The following P4HA3 variants were observed in gnomAD, a reference collection of about 807,000 sequenced individuals.
P4HA3 encodes prolyl 4-hydroxylase subunit alpha 3.
P4HA3 carries 60 observed loss-of-function variants against 66.7 expected under a neutral mutation model. That is an observed-to-expected ratio of 0.90 (90% CI 0.73 to 1.12). The LOEUF is 1.12. Among genes scored for constraint, P4HA3 ranks in the 50% most tolerant of loss-of-function variants. The pLI, the probability that P4HA3 is intolerant of heterozygous loss-of-function variation, is 0.00. For synonymous variants in P4HA3, 263 were observed against 274.6 expected, an observed-to-expected ratio of 0.96 and a Z score of 0.42; for missense variants, 683 against 685.8, an observed-to-expected ratio of 1.00 and a Z score of 0.05.
In P4HA3 at chr11:74,279,461, A is replaced by G. The variant is rs745970393; in HGVS notation, c.1111-9T>C. On this transcript the variant is annotated splice_polypyrimidine_tract_variant and intron_variant, in intron 7 of 12. Transcript: ENST00000331597. ...ACCACTGACCTCTGTAGCTGGTGGG[A>G]AGAATGTAAGACAAAGTCCAAGTGG... 6 of 1,613,660 alleles carry G rather than the reference A, an allele frequency of 3.7e-6. No individual in the cohort carries two copies. In the South Asian group the frequency reaches 6.6e-5, roughly 18 times the overall value.
intron 15 of P4HA3, chr11:74,251,830 C>T (rs370436704): frequency 2.4e-6 from 3 of 1,265,660 alleles, no homozygotes; most frequent in Non-Finnish European, 3.5e-6. Flanking sequence ...GTCACCATGC[C>T]TTTCTTCCTC....
At chr11:74,291,445 C>T (rs1861020162) in intron 4 of P4HA3, among the ~76,000 whole-genome samples, 2 of 152,170 alleles carry the variant, frequency 1.3e-5, no homozygotes, top group Admixed American at 6.5e-5. Flanking sequence ...ATTTCCTTCT[C>T]CTGCCTGATT....
chr11:74,298,156 C>A, intron 4 of P4HA3, 56 bp downstream of exon 4: 1 of 1,566,052 alleles, frequency 6.4e-7, no homozygotes, highest in Non-Finnish European at 8.7e-7. Flanking sequence ...TGTAAAGCAG[C>A]TATAAAGGAT....
chr11:74,259,137 G>A (rs550745826), intron 15 of P4HA3, among the ~76,000 whole-genome samples: 1 of 152,300 alleles, frequency 6.6e-6, no homozygotes, highest in South Asian at 2.1e-4. Flanking sequence ...GGTGGCTCAC[G>A]CCTGTAATCC....
chr11:74,303,356 G>T (rs986804056), intron 2 of P4HA3, among the ~76,000 whole-genome samples: 3 of 149,472 alleles, frequency 2.0e-5, no homozygotes, highest in African/African-American at 7.4e-5. Flanking sequence ...GAGCAGTGGC[G>T]CAATCTCAGC....
At chr11:74,291,383 A>G (rs937728292) in intron 4 of P4HA3, among the ~76,000 whole-genome samples, 3 of 152,166 alleles carry the variant, frequency 2.0e-5, no homozygotes, top group African/African-American at 7.2e-5. Flanking sequence ...CAATCATGTC[A>G]TCTGCAAACA....
At chr11:74,296,125 T>G (rs1861204522) in intron 4 of P4HA3, among the ~76,000 whole-genome samples, 1 of 152,256 alleles carries the variant, frequency 6.6e-6, no homozygotes, top group Non-Finnish European at 1.5e-5. Flanking sequence ...GTAAGTAGCA[T>G]GTGCCACGCA....
chr11:74,300,991 C>A (rs975093215), intron 3 of P4HA3, among the ~76,000 whole-genome samples: 1 of 152,056 alleles, frequency 6.6e-6, no homozygotes, highest in African/African-American at 2.4e-5. Context: ...TCCACAGATA[C>A]AATGTGCTGA....
Position 74,286,322 on chromosome 11 carries a change from T to C in P4HA3, c.839A>G (p.His280Arg). 6.2e-7 allele frequency: 1 copy of C among 1,606,758 alleles called. No homozygotes were observed. The highest frequency in any genetic ancestry group is 8.5e-7 in the Non-Finnish European group (1 of 1,177,390). The change falls in exon 6 of 13, where the codon CAC becomes CGC. Residue 280 changes from histidine (H) to arginine (R), a missense_variant. Physicochemically the swap from His to Arg is conservative, Grantham distance 29. Transcript: ENST00000331597. ...CTGGATGACAGCCTCAGCTACCACG[T>C]GGTTGGGGCTCTCTGCCAAGAGCCT... ...YERLLAESPN[H>R]VVAEAVIQRP...
chr11:74,295,003 T>C (rs576480000), intron 4 of P4HA3, among the ~76,000 whole-genome samples: 2 of 152,284 alleles, frequency 1.3e-5, no homozygotes, highest in East Asian at 1.9e-4. Flanking sequence ...ACCCGTCTTT[T>C]GTGTCACTCA....
At chr11:74,271,550 C>G (rs1003373485) in intron 10 of P4HA3, among the ~76,000 whole-genome samples, 4 of 151,684 alleles carry the variant, frequency 2.6e-5, no homozygotes, top group African/African-American at 7.3e-5. Flanking sequence ...TTAATAGAGA[C>G]AGGGTCTCAC....
chr11:74,295,324 T>C (rs911485162), intron 4 of P4HA3, among the ~76,000 whole-genome samples: 1 of 152,140 alleles, frequency 6.6e-6, no homozygotes, highest in Admixed American at 6.6e-5. Flanking sequence ...CCATTCAACC[T>C]TGGGCTCAAC....
chr11:74,269,781 A>T lies in P4HA3; in HGVS notation c.1399-61T>A, dbSNP rs549444972. On this transcript the variant is annotated intron_variant, in intron 10 of 12. Coordinates refer to ENST00000331597, the MANE Select transcript of P4HA3 (RefSeq NM_182904.5). ...GCCACCGACTTCCCTACCCTGTCAT[A>T]TGATGTCACATCTGCATAGATTCCT... The T allele has an allele frequency of 2.0e-6, 3 of 1,493,956 alleles. No individual in the cohort carries two copies. The East Asian group carries it at 6.8e-5, about 34-fold the overall frequency. The allele number at this position is 1,493,956 out of a possible 1,614,324, so 92.5% of individuals were successfully genotyped here. A position where few individuals can be genotyped will look rare whatever the true frequency, so the allele number is the denominator to read the frequency against.
At chr11:74,270,936 G>C (rs1228455731) in intron 10 of P4HA3, among the ~76,000 whole-genome samples, 1 of 152,214 alleles carries the variant, frequency 6.6e-6, no homozygotes, top group African/African-American at 2.4e-5. Flanking sequence ...CTTGGCACTA[G>C]TATTATGGGG....
In P4HA3 at chr11:74,285,980, A is replaced by G; in HGVS notation, c.939T>C (p.Thr313=). The G allele has an allele frequency of 6.2e-7, 1 of 1,605,554 alleles. No homozygotes were observed. The highest frequency in any genetic ancestry group is 8.5e-7 in the Non-Finnish European group (1 of 1,172,342). ...GLCQTLGSQP[T]LYQIPSLYCS... ...AGTAGAGGCTAGGGATCTGGTAGAG[A>G]GTGGGCTGGAAGGAAAGAATAGGAT... is the stretch of plus-strand genomic sequence containing the variant. The change falls in exon 7 of 13, where the codon ACT becomes ACC. Residue 313 remains threonine, a synonymous_variant. Coordinates refer to ENST00000331597, the MANE Select transcript of P4HA3 (RefSeq NM_182904.5).
chr11:74,261,261 T>G (rs892444668), intron 14 of P4HA3, among the ~76,000 whole-genome samples: 1 of 152,150 alleles, frequency 6.6e-6, no homozygotes, highest in Admixed American at 6.5e-5. Flanking sequence ...CTGGGGCTTT[T>G]TATGGACTCA....
chr11:74,265,874 G>A (rs1411254864), downstream of P4HA3, among the ~76,000 whole-genome samples: 1 of 152,194 alleles, frequency 6.6e-6, no homozygotes, highest in Non-Finnish European at 1.5e-5. Flanking sequence ...CAGCCCCAAA[G>A]CACTTCCCCT....
intron 4 of P4HA3, among the ~76,000 whole-genome samples, chr11:74,293,504 T>C (rs548843887): frequency 6.6e-6 from 1 of 152,318 alleles, no homozygotes; most frequent in South Asian, 2.1e-4. Context: ...ATTAGCTGGT[T>C]ATTTTGCTCG....
Position 74,252,346 on chromosome 11 carries a change from CTAA to C in P4HA3, c.*1319-4348_*1319-4346del, listed in dbSNP as rs1859721070. ...CAAGTGATCCACCCGCATCGGCCTC[CTAA>C]AGTGTTGGGATTATAGGGATTATAG... On this transcript the variant is annotated intron_variant and NMD_transcript_variant, in intron 15 of 15. Transcript: ENST00000524388. The C allele has an allele frequency of 1.4e-5, 6 of 433,416 alleles. No individual in the cohort carries two copies. In the Admixed American group the frequency reaches 1.4e-4, roughly 10 times the overall value. 26.8% of individuals were successfully genotyped at this position (433,416 alleles called of 1,614,324 possible). A position where few individuals can be genotyped will look rare whatever the true frequency, so the allele number is the denominator to read the frequency against.
Sources: allele counts gnomAD v4.1 joint callset (sites outside exome capture counted in the v4.1 genomes callset), GRCh38; gene constraint gnomAD v4.1.1; transcripts MANE v1.5; gene names NCBI Gene and HGNC (gene_info 2026-07-23, HGNC 2026-07-21).